TTC23L: variants seen among roughly 807,000 people sequenced by gnomAD.
TTC23L encodes the protein tetratricopeptide repeat protein 23-like.
In TTC23L, 42 loss-of-function variants were observed where a neutral mutation model predicts 48.1. That is an observed-to-expected ratio of 0.87 (90% CI 0.68 to 1.13). The LOEUF (loss-of-function observed/expected upper bound fraction) is 1.13. TTC23L is among the 50% of genes most tolerant of loss of function. TTC23L has a pLI of 0.00. For synonymous variants in TTC23L, 159 were observed against 157.2 expected, an observed-to-expected ratio of 1.01 and a Z score of -0.09; for missense variants, 391 against 421.0, an observed-to-expected ratio of 0.93 and a Z score of 0.62.
the TTC23L span, chr5:34,925,084 T>A: frequency 6.8e-7 from 1 of 1,476,242 alleles, no homozygotes; most frequent in African/African-American, 1.4e-5. Flanking sequence ...ATTTGGTTTT[T>A]GCTGCATAGA....
intron 8 of TTC23L, among the ~76,000 whole-genome samples, chr5:34,878,571 G>C: frequency 6.6e-6 from 1 of 152,166 alleles, no homozygotes. Flanking sequence ...AACAAAGTTG[G>C]AGGACTAACA....
chr5:34,842,561 G>GA (rs1561116305), intron 2 of TTC23L, among the ~76,000 whole-genome samples: 32 of 152,126 alleles, frequency 2.1e-4, no homozygotes, highest in African/African-American at 7.0e-4. Context: ...ACAGCCCTCT[G>GA]TATTTATTAG....
At chr5:34,888,286 G>A (rs1369556170) in intron 9 of TTC23L, among the ~76,000 whole-genome samples, 1 of 152,162 alleles carries the variant, frequency 6.6e-6, no homozygotes, top group Non-Finnish European at 1.5e-5. Flanking sequence ...CCTAGGTAGG[G>A]GCTACATCTT....
At chr5:34,904,483 A>G in the TTC23L span, among the ~76,000 whole-genome samples, 1 of 150,698 alleles carries the variant, frequency 6.6e-6, no homozygotes, top group Non-Finnish European at 1.5e-5. Flanking sequence ...AGTCCCAACT[A>G]CTCGGGAGGC....
chr5:34,910,393 C>T, the TTC23L span, among the ~76,000 whole-genome samples: 1 of 152,034 alleles, frequency 6.6e-6, no homozygotes. Context: ...TTTTTAACTC[C>T]CCAAAGTCAT....
chr5:34,899,906 A>G (rs373059156), downstream of TTC23L, among the ~76,000 whole-genome samples: 105 of 151,690 alleles, frequency 6.9e-4, no homozygotes, highest in African/African-American at 2.5e-3. Flanking sequence ...ACAAACAAAA[A>G]ACAAACAAAC....
chr5:34,886,365 A>T (rs932496452), intron 9 of TTC23L, among the ~76,000 whole-genome samples: 4 of 27,794 alleles, frequency 1.4e-4, no homozygotes, highest in Non-Finnish European at 3.1e-4. Context: ...GGCTGATTTA[A>T]AAAAAAAAAA....
chr5:34,872,988 A>G lies in TTC23L; in HGVS notation c.949+3975A>G, dbSNP rs572395669. On this transcript the variant is annotated intron_variant, in intron 8 of 10. Coordinates refer to ENST00000505624, the Ensembl canonical transcript of TTC23L. ...TGAGACAGGAGACTTGCTTGAGCCC[A>G]GGAGGCGGAAGTTGCAATGAGCCGA... Among the ~76,000 whole-genome samples the G allele has an allele frequency of 3.3e-5, 5 of 151,922 alleles. No individual in the cohort carries two copies. In the South Asian group the frequency reaches 6.3e-4, roughly 19 times the overall value.
At chr5:34,859,565 CG>C (rs141548021) in intron 4 of TTC23L, among the ~76,000 whole-genome samples, 50,691 of 151,786 alleles carry the variant, frequency 0.33, 9,815 homozygotes, top group South Asian at 0.44. Context: ...GGATTAAGGC[CG>C]TTATAAAAGA....
intron 3 of TTC23L, among the ~76,000 whole-genome samples, chr5:34,846,707 G>GTGTA (rs59410522): frequency 0.15 from 19,216 of 129,550 alleles, 2,084 homozygotes; most frequent in Non-Finnish European, 0.19. Flanking sequence ...GTGTGTGTGT[G>GTGTA]TATCCATCCT....
intron 8 of TTC23L, among the ~76,000 whole-genome samples, chr5:34,872,509 TTCAC>T (rs1338257663): frequency 6.6e-6 from 1 of 152,052 alleles, no homozygotes; most frequent in African/African-American, 2.4e-5. Flanking sequence ...AGATCAAAAT[TTCAC>T]CCATCCTATG....
intron 4 of TTC23L, among the ~76,000 whole-genome samples, chr5:34,858,599 T>A (rs1174150277): frequency 4.6e-5 from 7 of 152,110 alleles, no homozygotes; most frequent in Non-Finnish European, 8.8e-5. Flanking sequence ...TTTTTATACA[T>A]GTATTTTAAA....
the TTC23L span, chr5:34,906,069 C>T: frequency 6.6e-6 from 1 of 152,094 alleles, no homozygotes; most frequent in Non-Finnish European, 1.5e-5. Context: ...ATTCTCTTGC[C>T]TCAGCCTCTC....
chr5:34,844,625 T>A (rs1758965361), intron 2 of TTC23L, among the ~76,000 whole-genome samples: 1 of 152,192 alleles, frequency 6.6e-6, no homozygotes, highest in Non-Finnish European at 1.5e-5. Context: ...AAAGTAAATT[T>A]TATTTTAAAA....
chr5:34,904,979 G>T, the TTC23L span, among the ~76,000 whole-genome samples: 1 of 152,186 alleles, frequency 6.6e-6, no homozygotes, highest in Non-Finnish European at 1.5e-5. Flanking sequence ...AACAAGCTAT[G>T]AATTTCAAAA....
the TTC23L span, among the ~76,000 whole-genome samples, chr5:34,910,193 T>C: frequency 6.6e-6 from 1 of 152,112 alleles, no homozygotes; most frequent in Non-Finnish European, 1.5e-5. Context: ...CCTACCTCCC[T>C]ACCACCAAAT....
chr5:34,879,224 G>A (rs981342612), intron 8 of TTC23L, among the ~76,000 whole-genome samples: 3 of 152,100 alleles, frequency 2.0e-5, no homozygotes, highest in Non-Finnish European at 4.4e-5. Context: ...AAATTAATGA[G>A]TACAATGTAT....
At chr5:34,880,421 G>C in intron 9 of TTC23L, 113 bp downstream of exon 9, 1 of 1,107,122 alleles carries the variant, frequency 9.0e-7, no homozygotes, top group Non-Finnish European at 1.3e-6. Flanking sequence ...GATAAAACTA[G>C]GCAAGAACCA....
intron 6 of TTC23L, among the ~76,000 whole-genome samples, chr5:34,865,561 AT>A (rs909032539): frequency 2.6e-5 from 4 of 152,182 alleles, no homozygotes; most frequent in African/African-American, 4.8e-5. Context: ...ATTCTCCAGT[AT>A]TTATTGAATA....
Sources: allele counts gnomAD v4.1 joint callset (sites outside exome capture counted in the v4.1 genomes callset), GRCh38; gene constraint gnomAD v4.1.1; transcripts MANE v1.5; gene names NCBI Gene and HGNC (gene_info 2026-07-23, HGNC 2026-07-21).